Variants in HSD11B1 observed in about 807,000 individuals in gnomAD.
HSD11B1 encodes the protein 11-beta-hydroxysteroid dehydrogenase 1.
HSD11B1 carries 15 observed loss-of-function variants against 22.1 expected under a neutral mutation model. The observed-to-expected ratio is 0.68, with a 90% CI of 0.45 to 1.04. The LOEUF (loss-of-function observed/expected upper bound fraction) is 1.04, where lower values mean the gene tolerates loss of function less well. HSD11B1 is among the 50% of genes least tolerant of loss of function. The pLI is 0.00. For synonymous variants in HSD11B1, 122 were observed against 125.2 expected (o/e 0.97, Z 0.17); for missense variants, 281 against 357.6 (o/e 0.79, Z 1.73).
At chr1:209,711,954 G>A (rs1290623957) in intron 4 of HSD11B1, among the ~76,000 whole-genome samples, 2 of 152,126 alleles carry the variant, frequency 1.3e-5, no homozygotes, top group African/African-American at 4.8e-5. Flanking sequence ...GTTGCTTCAT[G>A]TTCTTTTCTG....
Position 209,732,398 on chromosome 1 carries a change from GCAGC to G in HSD11B1, c.518-36_518-33del, listed in dbSNP as rs1320361418. The G allele has an allele frequency of 5.6e-6, 9 of 1,613,026 alleles. No homozygotes were observed. In the African/African-American group the frequency reaches 1.1e-4, roughly 19 times the overall value. On this transcript the variant is annotated intron_variant, in intron 4 of 5. Transcript: ENST00000367027. ...ACAGCTCTGTAAGAAGGTGAAATGG[GCAGC>G]CTTATTAACCCATTTCTTTAATCTG...
At chr1:209,691,571 G>A (rs2076759929) in intron 1 of HSD11B1, among the ~76,000 whole-genome samples, 1 of 152,158 alleles carries the variant, frequency 6.6e-6, no homozygotes, top group African/African-American at 2.4e-5. Context: ...TCTTGTCAGA[G>A]GGTTTGAAGG....
Position 209,706,054 on chromosome 1 carries a change from A to T in HSD11B1, c.219+113A>T. 1 of 1,356,654 alleles carries T rather than the reference A, an allele frequency of 7.4e-7. No homozygotes were observed. The highest frequency in any genetic ancestry group is 2.0e-4 in the Middle Eastern group (1 of 4,952). The allele number at this position is 1,356,654 out of a possible 1,614,324, so 84.0% of individuals were successfully genotyped here. On this transcript the variant is annotated intron_variant, in intron 2 of 5. Transcript: ENST00000367027. This position sits in a 1 kb window ranked among gnomAD's most constrained non-coding sequence, Gnocchi z 4.0. ...ATCGCAGATCTATATACAGAGGCACATGCACACACACAGACACTTAATTTT... is the reference window on the plus strand; with the variant it reads ...ATCGCAGATCTATATACAGAGGCACTTGCACACACACAGACACTTAATTTT...
chr1:209,708,096 T>C (rs1002350140), intron 4 of HSD11B1, among the ~76,000 whole-genome samples: 1 of 152,194 alleles, frequency 6.6e-6, no homozygotes, highest in Non-Finnish European at 1.5e-5. Flanking sequence ...CCTGGTGTTC[T>C]GGATGGTGGT....
At chr1:209,694,854 G>A (rs1481343562) in intron 1 of HSD11B1, among the ~76,000 whole-genome samples, 1 of 152,194 alleles carries the variant, frequency 6.6e-6, no homozygotes, top group African/African-American at 2.4e-5. Flanking sequence ...ATTGGGGAAG[G>A]TGAGGTGGCC....
chr1:209,732,176 CA>C (rs1014390714), intron 4 of HSD11B1, among the ~76,000 whole-genome samples: 1 of 152,182 alleles, frequency 6.6e-6, no homozygotes, highest in Admixed American at 6.5e-5. Context: ...TTTTGTAGCC[CA>C]GCTTGTTTAT....
At chr1:209,708,111 T>A (rs2076872109) in intron 4 of HSD11B1, among the ~76,000 whole-genome samples, 1 of 152,144 alleles carries the variant, frequency 6.6e-6, no homozygotes, top group African/African-American at 2.4e-5. Flanking sequence ...GGTGGTAGCA[T>A]CAGAAGCCAT....
chr1:209,697,716 C>T (rs752777014), intron 1 of HSD11B1, among the ~76,000 whole-genome samples: 1 of 151,980 alleles, frequency 6.6e-6, no homozygotes, highest in Non-Finnish European at 1.5e-5. Context: ...AAAGGTAGAC[C>T]AGATGGCTAT....
chr1:209,720,522 A>G (rs1180821511), intron 4 of HSD11B1, among the ~76,000 whole-genome samples: 4 of 151,376 alleles, frequency 2.6e-5, no homozygotes, highest in Non-Finnish European at 5.9e-5. Flanking sequence ...TGCAAAATTT[A>G]TAAACATTTA....
chr1:209,712,825 C>G (rs553848527), intron 4 of HSD11B1, among the ~76,000 whole-genome samples: 1 of 152,098 alleles, frequency 6.6e-6, no homozygotes, highest in Non-Finnish European at 1.5e-5. Context: ...CCAAGGCAGA[C>G]GGATCACGAG....
At chr1:209,715,986 T>A (rs995653638) in intron 4 of HSD11B1, among the ~76,000 whole-genome samples, 8 of 152,282 alleles carry the variant, frequency 5.3e-5, no homozygotes, top group Middle Eastern at 3.4e-3. Flanking sequence ...TCATACTGAA[T>A]GGGGAAAAAC....
At chr1:209,689,729 C>T (rs2076748156) in intron 1 of HSD11B1, among the ~76,000 whole-genome samples, 1 of 152,168 alleles carries the variant, frequency 6.6e-6, no homozygotes, top group Admixed American at 6.5e-5. Flanking sequence ...AGTCTAAGGC[C>T]CTCACCAGGT....
At chr1:209,708,484 G>A (rs150691850) in intron 4 of HSD11B1, among the ~76,000 whole-genome samples, 318 of 152,116 alleles carry the variant, frequency 2.1e-3, no homozygotes, top group African/African-American at 7.4e-3. Context: ...TATGCATCCC[G>A]GTGCTTCCCA....
chr1:209,729,473 G>T (rs921886004), intron 4 of HSD11B1, among the ~76,000 whole-genome samples: 3 of 151,954 alleles, frequency 2.0e-5, no homozygotes, highest in Non-Finnish European at 4.4e-5. Flanking sequence ...GGTCACCCAG[G>T]TTCCTTCCTT....
chr1:209,729,849 C>T (rs2077025165), intron 4 of HSD11B1, among the ~76,000 whole-genome samples: 1 of 152,140 alleles, frequency 6.6e-6, no homozygotes, highest in African/African-American at 2.4e-5. Context: ...AAATGTGATA[C>T]ATCACATCAA....
chr1:209,700,212 A>G (rs1249777443), upstream of HSD11B1, among the ~76,000 whole-genome samples: 1 of 152,216 alleles, frequency 6.6e-6, no homozygotes, highest in African/African-American at 2.4e-5. Context: ...GCCCTAGCAG[A>G]GGTTCTCCAT....
intron 1 of HSD11B1, among the ~76,000 whole-genome samples, chr1:209,692,608 G>GGGGGTGT (rs759595141): frequency 1.8e-4 from 2 of 11,008 alleles, no homozygotes; most frequent in African/African-American, 8.2e-4. Flanking sequence ...TTAAAATGGC[G>GGGGGTGT]GGGGGGGGGG....
chr1:209,709,022 C>A (rs1321653339), intron 4 of HSD11B1, among the ~76,000 whole-genome samples: 1 of 152,198 alleles, frequency 6.6e-6, no homozygotes, highest in South Asian at 2.1e-4. Context: ...AGAATATTCT[C>A]TGCTTTATGA....
upstream of HSD11B1, among the ~76,000 whole-genome samples, chr1:209,700,081 G>A (rs918269996): frequency 2.0e-5 from 3 of 152,148 alleles, no homozygotes; most frequent in African/African-American, 7.2e-5. Context: ...GGCACAAACT[G>A]CCAGTGGATC....
Sources: gnomAD v4.1 joint callset for allele counts (sites outside exome capture counted in the v4.1 genomes callset) on GRCh38, gnomAD v4.1.1 for gene constraint, Gnocchi (gnomAD v3.1) non-coding constraint, MANE v1.5 for transcripts, NCBI Gene and HGNC (gene_info 2026-07-23, HGNC 2026-07-21) for gene names.